The following SEC24B variants were observed in gnomAD, a reference collection of about 807,000 sequenced individuals.
The protein encoded by SEC24B is SEC24 homolog B, COPII component, also known as protein transport protein Sec24B.
Under a neutral mutation model 142.8 loss-of-function variants are expected in SEC24B, and 45 were observed. That is an observed-to-expected ratio of 0.32 (90% CI 0.25 to 0.40). SEC24B has a LOEUF of 0.40. SEC24B is among the 10% of genes least tolerant of loss of function. SEC24B has a pLI of 1.00. For synonymous variants in SEC24B, 574 were observed against 568.2 expected (o/e 1.01, Z -0.15); for missense variants, 1,409 against 1,526.8 (o/e 0.92, Z 1.29).
At chr4:109,519,122 G>A (rs1372480318) in intron 11 of SEC24B, among the ~76,000 whole-genome samples, 4 of 152,102 alleles carry the variant, frequency 2.6e-5, no homozygotes, top group Non-Finnish European at 4.4e-5. Flanking sequence ...TAAATACCAA[G>A]TTTTAATCCC....
chr4:109,472,539 C>T (rs767877286), intron 2 of SEC24B, among the ~76,000 whole-genome samples: 1 of 152,098 alleles, frequency 6.6e-6, no homozygotes, highest in Non-Finnish European at 1.5e-5. Flanking sequence ...TGAACTGATA[C>T]TAGAAGTGTT....
chr4:109,508,063 A>T lies in SEC24B; in HGVS notation c.1673+1551A>T, dbSNP rs146384122. ...GAAAATAAGAAGTGGAGCTGCTTTG[A>T]GAATTTCCCCTCTTCTTCCACTGTA... is the stretch of plus-strand genomic sequence containing the variant. On this transcript the variant is annotated intron_variant, in intron 7 of 23. Transcript: ENST00000265175. Among the ~76,000 whole-genome samples the T allele has an allele frequency of 1.4e-3, 206 of 152,340 alleles. 1 individual carries two copies. Among genetic ancestry groups the T allele is most frequent in the African/African-American group, 4.5e-3 (187 of 41,572 alleles).
In SEC24B at chr4:109,494,702, C is replaced by T; in HGVS notation, c.1334C>T (p.Pro445Leu). ...TCTGCTCCAGCTCCAGCTTCAGCTC[C>T]AGCTCCTGTCGTCCCTCAGCCTTCA... ...PASAPAPASA[P>L]APVVPQPSKM... Residue 445 changes from proline (P) to leucine (L), a missense_variant, in exon 6 of 24, where the codon CCA becomes CTA. Around this residue, in one of 2 missense-constraint regions of SEC24B, gnomAD observed 709 missense variants for 673.5 expected, o/e 1.05. Transcript: ENST00000265175. 1.9e-6 allele frequency: 3 copies of T among 1,614,188 alleles called. No homozygotes were observed. In the African/African-American group the frequency reaches 4.0e-5, roughly 22 times the overall value.
intron 1 of SEC24B, among the ~76,000 whole-genome samples, chr4:109,443,784 C>A (rs955827340): frequency 5.3e-5 from 8 of 152,110 alleles, no homozygotes; most frequent in Non-Finnish European, 1.0e-4. Context: ...AATAGGGAAT[C>A]TTAAGGGAGG....
At chr4:109,520,973 CAA>C (rs1723544823) in intron 12 of SEC24B, 142 bp from the exon 13 acceptor site, 4 of 554,134 alleles carry the variant, frequency 7.2e-6, no homozygotes, top group East Asian at 3.6e-5. Flanking sequence ...GCCTGGGCAA[CAA>C]GAGCAAAACT....
At chr4:109,527,235 A>T in intron 17 of SEC24B, 87 bp from the exon 18 acceptor site, 1 of 975,574 alleles carries the variant, frequency 1.0e-6, no homozygotes, top group Non-Finnish European at 1.5e-6. Context: ...AAAAAAAAGA[A>T]AGAAAGAAAG....
intron 6 of SEC24B, among the ~76,000 whole-genome samples, chr4:109,504,800 C>T (rs1736514216): frequency 6.6e-6 from 1 of 152,052 alleles, no homozygotes; most frequent in Non-Finnish European, 1.5e-5. Context: ...GTGACCACTA[C>T]CTGAATCATT....
At chr4:109,490,440 A>G (rs1389283284) in intron 4 of SEC24B, among the ~76,000 whole-genome samples, 1 of 152,122 alleles carries the variant, frequency 6.6e-6, no homozygotes, top group Non-Finnish European at 1.5e-5. Flanking sequence ...ATTAATAGCA[A>G]GGGATAACCT....
At chr4:109,511,829 T>C in intron 8 of SEC24B, 128 bp from the exon 9 acceptor site, 1 of 876,720 alleles carries the variant, frequency 1.1e-6, no homozygotes, top group South Asian at 2.0e-5. Flanking sequence ...ATTTTATTAA[T>C]ATGCTTCCAT....
intron 1 of SEC24B, among the ~76,000 whole-genome samples, chr4:109,434,589 G>C (rs1454539143): frequency 2.0e-5 from 3 of 152,200 alleles, no homozygotes; most frequent in African/African-American, 7.2e-5. Flanking sequence ...GTGTAAATAT[G>C]CTATATAAGT....
At chr4:109,503,612 G>T (rs1181211968) in intron 6 of SEC24B, among the ~76,000 whole-genome samples, 1 of 151,852 alleles carries the variant, frequency 6.6e-6, no homozygotes, top group East Asian at 2.0e-4. Context: ...CGCCCACTTC[G>T]GCCTCCCAAA....
chr4:109,464,686 G>A (rs1731673816), intron 2 of SEC24B, among the ~76,000 whole-genome samples: 1 of 152,190 alleles, frequency 6.6e-6, no homozygotes, highest in Non-Finnish European at 1.5e-5. Flanking sequence ...CCTTTAGATT[G>A]TGTATCATTA....
chr4:109,454,478 G>T (rs1344899513), intron 1 of SEC24B, among the ~76,000 whole-genome samples: 3 of 151,742 alleles, frequency 2.0e-5, no homozygotes, highest in Non-Finnish European at 2.9e-5. Flanking sequence ...GTGGAGATTG[G>T]GGTGAGCTGA....
intron 18 of SEC24B, among the ~76,000 whole-genome samples, chr4:109,528,262 A>G (rs1190306084): frequency 6.6e-6 from 1 of 151,872 alleles, no homozygotes; most frequent in Non-Finnish European, 1.5e-5. Flanking sequence ...CTCTACTAAA[A>G]ATACAAGAAA....
intron 6 of SEC24B, among the ~76,000 whole-genome samples, chr4:109,504,108 T>C (rs773882545): frequency 6.6e-6 from 1 of 152,140 alleles, no homozygotes; most frequent in Non-Finnish European, 1.5e-5. Flanking sequence ...ACTGTCAACA[T>C]TTTGCTATAT....
chr4:109,514,872 G>A (rs544981635), intron 10 of SEC24B, among the ~76,000 whole-genome samples: 1 of 152,128 alleles, frequency 6.6e-6, no homozygotes, highest in African/African-American at 2.4e-5. Context: ...TGTCTAATTT[G>A]GCATATGCCC....
intron 23 of SEC24B, among the ~76,000 whole-genome samples, chr4:109,539,152 G>C (rs1329506425): frequency 6.6e-6 from 1 of 152,068 alleles, no homozygotes; most frequent in Non-Finnish European, 1.5e-5. Context: ...AGTAGAGACA[G>C]GGTTTCACCA....
At chr4:109,532,095 G>A (rs1724993325) in intron 20 of SEC24B, among the ~76,000 whole-genome samples, 1 of 151,962 alleles carries the variant, frequency 6.6e-6, no homozygotes, top group South Asian at 2.1e-4. Flanking sequence ...GACCTCAAGT[G>A]ATCTGCCCAT....
intron 10 of SEC24B, 114 bp downstream of exon 10, chr4:109,513,970 A>G (rs1737657434): frequency 1.5e-6 from 1 of 647,798 alleles, no homozygotes; most frequent in Non-Finnish European, 2.7e-6. Context: ...CATAATTTTT[A>G]AAAACAAATT....
Sources: gnomAD v4.1 joint callset for allele counts (sites outside exome capture counted in the v4.1 genomes callset) on GRCh38, gnomAD v4.1.1 for gene constraint, gnomAD v4.1.1 regional missense constraint, MANE v1.5 for transcripts, NCBI Gene and HGNC (gene_info 2026-07-23, HGNC 2026-07-21) for gene names.